Variants in CACNA2D3 observed in about 807,000 individuals in gnomAD.
The protein encoded by CACNA2D3 is voltage-dependent calcium channel subunit alpha-2/delta-3.
CACNA2D3 carries 60 observed loss-of-function variants against 160.6 expected under a neutral mutation model. The observed-to-expected ratio is 0.37, with a 90% confidence interval of 0.30 to 0.46. The LOEUF (loss-of-function observed/expected upper bound fraction) is 0.46, where lower values mean the gene tolerates loss of function less well. Ranked by LOEUF, CACNA2D3 falls within the 20% of genes least tolerant of loss-of-function variation. The pLI, the probability that CACNA2D3 is intolerant of heterozygous loss-of-function variation, is 1.00. For missense variants in CACNA2D3, 1,205 were observed against 1,365.0 expected, an observed-to-expected ratio of 0.88 and a Z score of 1.85; for synonymous variants, 558 against 492.9, an observed-to-expected ratio of 1.13 and a Z score of -1.75.
chr3:54,645,798 T>C (rs1231801445), intron 11 of CACNA2D3, among the ~76,000 whole-genome samples: 2 of 152,144 alleles, frequency 1.3e-5, no homozygotes, highest in Non-Finnish European at 2.9e-5. Flanking sequence ...AATACAAATA[T>C]TGTTTCTGGA....
At chr3:54,923,347 C>T (rs1177085122) in intron 27 of CACNA2D3, among the ~76,000 whole-genome samples, 1 of 152,114 alleles carries the variant, frequency 6.6e-6, no homozygotes, top group Non-Finnish European at 1.5e-5. Flanking sequence ...TTTTCCCCCT[C>T]ATCAAGCCCT....
chr3:54,194,413 G>T (rs1701036656), intron 2 of CACNA2D3, among the ~76,000 whole-genome samples: 1 of 152,106 alleles, frequency 6.6e-6, no homozygotes, highest in Non-Finnish European at 1.5e-5. Flanking sequence ...ACATGATGAT[G>T]GGACCATTTC....
chr3:54,575,831 A>G (rs1702571589), intron 8 of CACNA2D3, among the ~76,000 whole-genome samples: 1 of 152,180 alleles, frequency 6.6e-6, no homozygotes, highest in Admixed American at 6.5e-5. Flanking sequence ...GGAAGGAGTC[A>G]ACAACTGAGG....
intron 2 of CACNA2D3, among the ~76,000 whole-genome samples, chr3:54,279,898 T>G (rs1359924285): frequency 6.6e-6 from 1 of 152,152 alleles, no homozygotes; most frequent in Admixed American, 6.5e-5. Flanking sequence ...GCCTGCAGCA[T>G]CATTTTTACA....
chr3:54,603,467 A>G (rs954159715), intron 9 of CACNA2D3, among the ~76,000 whole-genome samples: 2 of 152,124 alleles, frequency 1.3e-5, no homozygotes, highest in South Asian at 2.1e-4. Context: ...TCCTGACTCA[A>G]CTTCCTTCCT....
intron 2 of CACNA2D3, among the ~76,000 whole-genome samples, chr3:54,141,366 A>G (rs972360583): frequency 1.3e-5 from 2 of 152,130 alleles, no homozygotes; most frequent in Non-Finnish European, 2.9e-5. Context: ...TGTATGTATC[A>G]TCTTTGCCTT....
chr3:54,507,234 C>G (rs565148741), intron 5 of CACNA2D3, among the ~76,000 whole-genome samples: 1 of 152,232 alleles, frequency 6.6e-6, no homozygotes, highest in South Asian at 2.1e-4. Flanking sequence ...TAGTGTATTT[C>G]ACTGTTTTTA....
At chr3:54,939,292 C>T (rs971410941) in intron 27 of CACNA2D3, among the ~76,000 whole-genome samples, 2 of 152,166 alleles carry the variant, frequency 1.3e-5, no homozygotes, top group South Asian at 4.1e-4. Context: ...AAAATTGAAA[C>T]TTGATGAGAC....
At chr3:54,822,781 TCTTTCTTTC>T (rs1559595551) in intron 14 of CACNA2D3, among the ~76,000 whole-genome samples, 29 of 83,548 alleles carry the variant, frequency 3.5e-4, no homozygotes, top group East Asian at 1.5e-3. Flanking sequence ...TTTCTTTCTT[TCTTTCTTTC>T]CTTTCTTTCT....
intron 28 of CACNA2D3, among the ~76,000 whole-genome samples, chr3:54,969,517 C>T (rs1702225763): frequency 6.6e-6 from 1 of 152,134 alleles, no homozygotes; most frequent in Non-Finnish European, 1.5e-5. Context: ...TCCTTGGCCT[C>T]CCAAAGTGCA....
intron 2 of CACNA2D3, among the ~76,000 whole-genome samples, chr3:54,221,158 G>A (rs1577007796): frequency 6.6e-6 from 1 of 152,154 alleles, no homozygotes; most frequent in Non-Finnish European, 1.5e-5. Flanking sequence ...GTAGATATTA[G>A]CACCCACCTG....
chr3:54,750,721 A>G (rs1023862408), intron 11 of CACNA2D3, among the ~76,000 whole-genome samples: 6 of 151,836 alleles, frequency 4.0e-5, no homozygotes, highest in East Asian at 1.9e-4. Context: ...GGGTGCAGCT[A>G]TATGAAGGAG....
intron 2 of CACNA2D3, among the ~76,000 whole-genome samples, chr3:54,291,426 A>G (rs555035279): frequency 6.6e-6 from 1 of 152,246 alleles, no homozygotes; most frequent in South Asian, 2.1e-4. Flanking sequence ...TCATCTTTTT[A>G]CCTGTTCCTT....
intron 31 of CACNA2D3, among the ~76,000 whole-genome samples, chr3:54,995,451 C>T (rs1464372227): frequency 6.6e-6 from 1 of 152,082 alleles, no homozygotes; most frequent in Non-Finnish European, 1.5e-5. Flanking sequence ...GTTACAGACC[C>T]AGGACCACAA....
At chr3:55,026,496 G>T (rs1401454070) in intron 35 of CACNA2D3, among the ~76,000 whole-genome samples, 5 of 152,174 alleles carry the variant, frequency 3.3e-5, no homozygotes, top group African/African-American at 1.2e-4. Context: ...GCCATGATTA[G>T]AGAGTAAATG....
intron 13 of CACNA2D3, among the ~76,000 whole-genome samples, chr3:54,792,095 A>G (rs1361347888): frequency 1.3e-5 from 2 of 152,234 alleles, no homozygotes; most frequent in Non-Finnish European, 2.9e-5. Flanking sequence ...AGTTCCCTGA[A>G]TATCCATGGT....
chr3:54,993,638 GT>G (rs2107118780), intron 31 of CACNA2D3, among the ~76,000 whole-genome samples: 1 of 152,182 alleles, frequency 6.6e-6, no homozygotes, highest in East Asian at 1.9e-4. Flanking sequence ...GAACTTGAGG[GT>G]TTGCCCTGGG....
At position 54,252,054 on chromosome 3, in the gene CACNA2D3, A is replaced by T. The variant is rs1702198905; in HGVS notation, c.205-68388A>T. On this transcript the variant is annotated intron_variant, in intron 2 of 37. Coordinates refer to ENST00000474759, the MANE Select transcript of CACNA2D3 (RefSeq NM_018398.3). ...TTGAGCTCCCAAGATACACTGTGTA[A>T]AGTATCTGGATCCCAGTGGTTCCAA... Among the ~76,000 whole-genome samples, 7 of 148,166 alleles carry T rather than the reference A, an allele frequency of 4.7e-5. 1 individual carries two copies. The South Asian group carries it at 1.5e-3, about 31-fold the overall frequency.
intron 2 of CACNA2D3, among the ~76,000 whole-genome samples, chr3:54,128,605 G>A (rs531590276): frequency 6.6e-6 from 1 of 152,228 alleles, no homozygotes; most frequent in East Asian, 1.9e-4. Flanking sequence ...CAACAAACGG[G>A]CTTTTTCTTC....
Sources: allele counts gnomAD v4.1 joint callset (sites outside exome capture counted in the v4.1 genomes callset), GRCh38; gene constraint gnomAD v4.1.1; transcripts MANE v1.5; gene names NCBI Gene and HGNC (gene_info 2026-07-23, HGNC 2026-07-21).